Variants in PPARGC1A observed in about 807,000 individuals in gnomAD.
The protein encoded by PPARGC1A is PPARG coactivator 1 alpha, also known as peroxisome proliferator-activated receptor gamma coactivator 1-alpha.
A neutral mutation model predicts 88.7 loss-of-function variants in PPARGC1A; 25 were observed. The observed-to-expected ratio is 0.28, with a 90% CI of 0.21 to 0.39. The LOEUF (loss-of-function observed/expected upper bound fraction) is 0.39, where lower values mean the gene tolerates loss of function less well. Ranked by LOEUF, PPARGC1A falls within the 10% of genes least tolerant of loss-of-function variation. PPARGC1A has a pLI of 1.00. For missense variants in PPARGC1A, 880 were observed against 968.7 expected (o/e 0.91, Z 1.22); for synonymous variants, 363 against 355.6 (o/e 1.02, Z -0.24).
At chr4:24,421,910 T>G in the PPARGC1A span, among the ~76,000 whole-genome samples, 1 of 152,196 alleles carries the variant, frequency 6.6e-6, no homozygotes, top group Non-Finnish European at 1.5e-5. Flanking sequence ...AGAGAGCTCC[T>G]TATAAATTAA....
At chr4:24,339,231 T>TACAC in the PPARGC1A span, among the ~76,000 whole-genome samples, 1 of 121,354 alleles carries the variant, frequency 8.2e-6, no homozygotes, top group African/African-American at 3.2e-5. Flanking sequence ...TATATATATA[T>TACAC]ATATATACAC....
chr4:24,331,388 C>T, the PPARGC1A span, among the ~76,000 whole-genome samples: 63,490 of 151,896 alleles, frequency 0.42, 13,603 homozygotes, highest in South Asian at 0.46. Context: ...AAAGGAGCCA[C>T]GCCTCCCCAC....
the PPARGC1A span, among the ~76,000 whole-genome samples, chr4:23,954,953 G>A: frequency 6.6e-6 from 1 of 151,964 alleles, no homozygotes; most frequent in Non-Finnish European, 1.5e-5. Context: ...ACTAAGCATC[G>A]CTGGGTATCA....
the PPARGC1A span, among the ~76,000 whole-genome samples, chr4:24,240,349 T>C: frequency 2.5e-4 from 38 of 152,166 alleles, no homozygotes; most frequent in Non-Finnish European, 5.3e-4. Context: ...CCTCCTTTGT[T>C]GCCTTCAGCC....
chr4:23,914,686 ACT>A, the PPARGC1A span, among the ~76,000 whole-genome samples: 3 of 150,136 alleles, frequency 2.0e-5, no homozygotes, highest in Admixed American at 2.0e-4. Context: ...TTTAAAAACA[ACT>A]CTTTCTTTCC....
At chr4:24,431,061 G>A in the PPARGC1A span, among the ~76,000 whole-genome samples, 4,656 of 149,832 alleles carry the variant, frequency 0.031, 99 homozygotes, top group South Asian at 0.085. Flanking sequence ...GGAGGTGGAG[G>A]TTGTGGTAAG....
chr4:24,034,069 C>T, the PPARGC1A span, among the ~76,000 whole-genome samples: 2 of 152,126 alleles, frequency 1.3e-5, no homozygotes, highest in Non-Finnish European at 2.9e-5. Context: ...TAAATAATTA[C>T]GTAGGTATCT....
rs1718804738 is a variant in PPARGC1A at position 23,801,806 on chromosome 4, G to A, written c.2217C>T (p.Arg739=). Residue 739 remains arginine (R), a synonymous_variant, in exon 12 of 13, where the codon CGC becomes CGT. Coordinates refer to ENST00000264867, the MANE Select transcript of PPARGC1A (RefSeq NM_013261.5). ...GCTCAAAGTCAGTTTCGTTTGACCT[G>A]CGCAAAGTGTATCCATTTTCAAGAG... ...FAALENGYTL[R]RSNETDFELY... 1 of 1,613,974 alleles carries A rather than the reference G, an allele frequency of 6.2e-7. No individual in the cohort carries two copies. The highest frequency in any genetic ancestry group is 8.5e-7 in the Non-Finnish European group (1 of 1,179,964).
chr4:24,087,172 G>A, the PPARGC1A span, among the ~76,000 whole-genome samples: 5 of 152,318 alleles, frequency 3.3e-5, no homozygotes, highest in East Asian at 7.7e-4. Flanking sequence ...TGAACTGGAA[G>A]ATGATAACCA....
intron 6 of PPARGC1A, 43 bp downstream of exon 6, chr4:23,824,419 AC>A: frequency 6.2e-7 from 1 of 1,602,694 alleles, no homozygotes; most frequent in Admixed American, 1.7e-5. Flanking sequence ...ATGTATTAGA[AC>A]CCCCTTCCCT....
At chr4:23,856,755 A>G (rs954904977) in intron 2 of PPARGC1A, among the ~76,000 whole-genome samples, 1 of 152,126 alleles carries the variant, frequency 6.6e-6, no homozygotes, top group Non-Finnish European at 1.5e-5. Flanking sequence ...GATTAAAGGT[A>G]CACATTGAAT....
chr4:24,308,182 C>A, the PPARGC1A span, among the ~76,000 whole-genome samples: 18 of 150,400 alleles, frequency 1.2e-4, no homozygotes, highest in African/African-American at 3.7e-4. Flanking sequence ...ATCTCAGCTA[C>A]TGGGAAGGCT....
At chr4:24,274,039 G>A in the PPARGC1A span, among the ~76,000 whole-genome samples, 5 of 151,760 alleles carry the variant, frequency 3.3e-5, no homozygotes, top group Admixed American at 6.6e-5. Context: ...GTGCCTGGCC[G>A]GGGCACTTTT....
intron 2 of PPARGC1A, among the ~76,000 whole-genome samples, chr4:23,868,569 T>A (rs560180838): frequency 2.0e-5 from 3 of 152,302 alleles, no homozygotes; most frequent in African/African-American, 7.2e-5. Flanking sequence ...CTCATGCAGT[T>A]TATAATGCAC....
chr4:24,380,186 T>G, the PPARGC1A span, among the ~76,000 whole-genome samples: 2 of 152,170 alleles, frequency 1.3e-5, no homozygotes, highest in South Asian at 4.1e-4. Context: ...AAGATCTCTT[T>G]GAGAGCTGAG....
intron 4 of PPARGC1A, 151 bp downstream of exon 4, chr4:23,829,312 G>T: frequency 2.4e-6 from 2 of 819,290 alleles, no homozygotes; most frequent in Non-Finnish European, 3.8e-6. Flanking sequence ...CTCAAGCGCT[G>T]TTTACGGAAT....
the PPARGC1A span, among the ~76,000 whole-genome samples, chr4:23,934,868 C>CA: frequency 8.7e-4 from 133 of 152,202 alleles, no homozygotes; most frequent in African/African-American, 3.0e-3. Context: ...TTTAGTTAAA[C>CA]AAAAAACAAT....
chr4:24,054,489 A>G, the PPARGC1A span, among the ~76,000 whole-genome samples: 3 of 152,182 alleles, frequency 2.0e-5, no homozygotes, highest in Admixed American at 2.0e-4. Context: ...GGTTTTAAAT[A>G]CTATTTTCTT....
chr4:23,889,448 G>A (rs879270096), intron 1 of PPARGC1A: 3 of 881,272 alleles, frequency 3.4e-6, no homozygotes, highest in African/African-American at 1.8e-5. Flanking sequence ...AGAGAGAGAG[G>A]GGGGAAAAAT....
Sources: allele counts gnomAD v4.1 joint callset (sites outside exome capture counted in the v4.1 genomes callset), GRCh38; gene constraint gnomAD v4.1.1; transcripts MANE v1.5; gene names NCBI Gene and HGNC (gene_info 2026-07-23, HGNC 2026-07-21).